The following ADAMTSL1 variants were observed in gnomAD, a reference collection of about 807,000 sequenced individuals.
ADAMTSL1 encodes ADAMTS-like protein 1.
A neutral mutation model predicts 201.8 loss-of-function variants in ADAMTSL1; 126 were observed. That is an observed-to-expected ratio of 0.62 (90% CI 0.54 to 0.72). The LOEUF (loss-of-function observed/expected upper bound fraction) is 0.72. Among genes scored for constraint, ADAMTSL1 ranks in the 30% least tolerant of loss-of-function variants. ADAMTSL1 has a pLI of 0.00. For missense variants in ADAMTSL1, 2,679 were observed against 2,277.8 expected, an observed-to-expected ratio of 1.18 and a Z score of -3.59; for synonymous variants, 1,121 against 903.4, an observed-to-expected ratio of 1.24 and a Z score of -4.32.
chr9:18,483,751 T>C (rs375581556), intron 1 of ADAMTSL1, among the ~76,000 whole-genome samples: 1 of 151,992 alleles, frequency 6.6e-6, no homozygotes, highest in South Asian at 2.1e-4. Flanking sequence ...GGCGTGAACC[T>C]GGGAGGCGGA....
intron 2 of ADAMTSL1, among the ~76,000 whole-genome samples, chr9:18,213,788 G>T (rs1829966223): frequency 6.6e-6 from 1 of 152,124 alleles, no homozygotes. Context: ...CGCCCAGGCT[G>T]GAGTGCAGTG....
intron 1 of ADAMTSL1, among the ~76,000 whole-genome samples, chr9:18,488,125 A>G (rs1198354758): frequency 6.6e-6 from 1 of 152,212 alleles, no homozygotes; most frequent in Non-Finnish European, 1.5e-5. Context: ...AAATACGATT[A>G]TGGAACCCTC....
At chr9:18,113,432 A>G (rs1310504930) in intron 1 of ADAMTSL1, among the ~76,000 whole-genome samples, 2 of 152,120 alleles carry the variant, frequency 1.3e-5, no homozygotes, top group African/African-American at 2.4e-5. Flanking sequence ...AGCAAGATTG[A>G]CGGTGAGATG....
Position 18,574,161 on chromosome 9 carries a change from C to G in ADAMTSL1, c.369C>G (p.Cys123Trp). The stretch of plus-strand genomic sequence containing the variant: ...CTGACAACCCATGTTCACTCAAGTG[C>G]CAAGCCAAAGGAACAACCCTGGTTG... ...NDPDNPCSLK[C>W]QAKGTTLVVE... Residue 123 changes from cysteine (C) to tryptophan (W), a missense_variant, in exon 4 of 29, where the codon TGC becomes TGG. Physicochemically the swap from Cys to Trp is radical, Grantham distance 215 (BLOSUM62 -2). Transcript: ENST00000380548. The G allele has an allele frequency of 6.2e-7, 1 of 1,614,158 alleles. No homozygotes were observed. Among genetic ancestry groups the G allele is most frequent in the Non-Finnish European group, 8.5e-7 (1 of 1,180,014 alleles).
chr9:17,978,108 A>T (rs183585748), intron 1 of ADAMTSL1, among the ~76,000 whole-genome samples: 1 of 152,216 alleles, frequency 6.6e-6, no homozygotes, highest in Non-Finnish European at 1.5e-5. Flanking sequence ...TGATATAAGT[A>T]TAACTATACT....
upstream of ADAMTSL1, among the ~76,000 whole-genome samples, chr9:18,472,065 T>C (rs915725118): frequency 2.0e-5 from 3 of 152,136 alleles, no homozygotes; most frequent in Admixed American, 6.5e-5. Flanking sequence ...GGTTTATGTG[T>C]GAAGAGGGAG....
At chr9:18,358,607 T>C (rs900695933) in intron 2 of ADAMTSL1, among the ~76,000 whole-genome samples, 2 of 152,212 alleles carry the variant, frequency 1.3e-5, no homozygotes, top group African/African-American at 4.8e-5. Context: ...AGACATATTA[T>C]ATAAATGTAA....
At chr9:18,077,014 A>T (rs1304142467) in intron 1 of ADAMTSL1, among the ~76,000 whole-genome samples, 1 of 152,208 alleles carries the variant, frequency 6.6e-6, no homozygotes, top group Non-Finnish European at 1.5e-5. Context: ...AATGACTCCC[A>T]GGTTCCTGGT....
chr9:18,250,766 A>C (rs537771663), intron 2 of ADAMTSL1, among the ~76,000 whole-genome samples: 1 of 151,878 alleles, frequency 6.6e-6, no homozygotes, highest in Non-Finnish European at 1.5e-5. Context: ...GGTTTTCCAC[A>C]CCCCGCTCCA....
At chr9:18,186,832 AACACACACACACACAC>A (rs35993162) in intron 2 of ADAMTSL1, among the ~76,000 whole-genome samples, 1 of 149,518 alleles carries the variant, frequency 6.7e-6, no homozygotes, top group African/African-American at 2.5e-5. Flanking sequence ...ATCACTGTAC[AACACACACACACACAC>A]ACACACACAC....
chr9:18,183,219 C>T (rs1009100204), intron 2 of ADAMTSL1, among the ~76,000 whole-genome samples: 2 of 152,128 alleles, frequency 1.3e-5, no homozygotes, highest in Admixed American at 6.6e-5. Flanking sequence ...ACACCCTTCA[C>T]AAAAATTAAT....
intron 15 of ADAMTSL1, among the ~76,000 whole-genome samples, chr9:18,728,336 G>A (rs1818021263): frequency 6.6e-6 from 1 of 152,004 alleles, no homozygotes; most frequent in Non-Finnish European, 1.5e-5. Flanking sequence ...CTATGTGATC[G>A]GACAGCACTT....
intron 2 of ADAMTSL1, among the ~76,000 whole-genome samples, chr9:18,323,335 A>T (rs1394002585): frequency 6.6e-6 from 1 of 152,206 alleles, no homozygotes; most frequent in Non-Finnish European, 1.5e-5. Context: ...AAAGTACAAC[A>T]CCCATTTGTG....
intron 2 of ADAMTSL1, among the ~76,000 whole-genome samples, chr9:18,392,043 C>T (rs995005206): frequency 6.6e-6 from 1 of 151,882 alleles, no homozygotes; most frequent in African/African-American, 2.4e-5. Flanking sequence ...CCAGGATGGT[C>T]TCGATCTCCT....
chr9:18,322,266 T>G (rs974621895), intron 2 of ADAMTSL1, among the ~76,000 whole-genome samples: 1 of 152,114 alleles, frequency 6.6e-6, no homozygotes, highest in African/African-American at 2.4e-5. Flanking sequence ...AAATAAGAGC[T>G]AAAACCAATT....
intron 16 of ADAMTSL1, among the ~76,000 whole-genome samples, chr9:18,762,402 G>A (rs1053747079): frequency 1.3e-5 from 2 of 152,000 alleles, no homozygotes; most frequent in Non-Finnish European, 2.9e-5. Flanking sequence ...TGTATTTATG[G>A]GGTACATGAG....
intron 2 of ADAMTSL1, among the ~76,000 whole-genome samples, chr9:18,355,372 A>G (rs1836173466): frequency 6.6e-6 from 1 of 152,160 alleles, no homozygotes; most frequent in South Asian, 2.1e-4. Flanking sequence ...TTGTTATATA[A>G]AGTATGTGTA....
At chr9:18,355,531 CTA>C (rs1215306724) in intron 2 of ADAMTSL1, among the ~76,000 whole-genome samples, 2 of 152,022 alleles carry the variant, frequency 1.3e-5, no homozygotes, top group Non-Finnish European at 2.9e-5. Context: ...TGATGTATTT[CTA>C]TAGTGTTAAT....
At chr9:18,513,204 A>G (rs912917342) in intron 2 of ADAMTSL1, among the ~76,000 whole-genome samples, 1 of 152,154 alleles carries the variant, frequency 6.6e-6, no homozygotes, top group Admixed American at 6.6e-5. Flanking sequence ...GAAGTGTTCT[A>G]TACAGTATTG....
Sources: gnomAD v4.1 joint callset for allele counts (sites outside exome capture counted in the v4.1 genomes callset) on GRCh38, gnomAD v4.1.1 for gene constraint, MANE v1.5 for transcripts, NCBI Gene and HGNC (gene_info 2026-07-23, HGNC 2026-07-21) for gene names.